RFX3: variants seen among roughly 807,000 people sequenced by gnomAD.
RFX3 encodes the protein transcription factor RFX3.
A neutral mutation model predicts 98.6 loss-of-function variants in RFX3; 14 were observed. The observed-to-expected ratio is 0.14, with a 90% CI of 0.09 to 0.22. The LOEUF is 0.22. Ranked by LOEUF, RFX3 falls within the 10% of genes least tolerant of loss-of-function variation. The pLI is 1.00. For synonymous variants in RFX3, 383 were observed against 328.4 expected (o/e 1.17, Z -1.80); for missense variants, 639 against 926.9 (o/e 0.69, Z 4.03).
chr9:3,358,260 A>G (rs1180435002), intron 2 of RFX3, among the ~76,000 whole-genome samples: 2 of 152,176 alleles, frequency 1.3e-5, no homozygotes, highest in South Asian at 2.1e-4. Flanking sequence ...CATCTTGAAT[A>G]ACTGGTAAAA....
chr9:3,505,290 ATATT>A (rs1191650434), intron 1 of RFX3, among the ~76,000 whole-genome samples: 3 of 88,290 alleles, frequency 3.4e-5, no homozygotes, highest in East Asian at 5.7e-4. Context: ...ATACATTTTT[ATATT>A]TATATATATA....
At chr9:3,417,825 A>C (rs112038913) in intron 1 of RFX3, among the ~76,000 whole-genome samples, 130 of 152,308 alleles carry the variant, frequency 8.5e-4, no homozygotes, top group African/African-American at 3.0e-3. Flanking sequence ...AAACTCACAA[A>C]ATTCACATAA....
intron 7 of RFX3, among the ~76,000 whole-genome samples, chr9:3,278,658 C>G (rs901567175): frequency 6.6e-6 from 1 of 151,826 alleles, no homozygotes; most frequent in East Asian, 1.9e-4. Flanking sequence ...ATCATACAAA[C>G]TAATGCTCAG....
At chr9:3,460,941 T>C (rs186845690) in intron 1 of RFX3, among the ~76,000 whole-genome samples, 30 of 151,996 alleles carry the variant, frequency 2.0e-4, no homozygotes, top group African/African-American at 7.0e-4. Context: ...AGTCTTACTC[T>C]AATGTATTTA....
chr9:3,276,305 T>C (rs977671237), intron 8 of RFX3, among the ~76,000 whole-genome samples: 1 of 152,106 alleles, frequency 6.6e-6, no homozygotes, highest in Non-Finnish European at 1.5e-5. Flanking sequence ...AGGCTTCCCT[T>C]GTGAGGGAGG....
intron 4 of RFX3, among the ~76,000 whole-genome samples, chr9:3,326,640 C>G (rs1009981208): frequency 2.0e-5 from 3 of 152,096 alleles, no homozygotes; most frequent in African/African-American, 7.2e-5. Flanking sequence ...CCAGCACCAT[C>G]CATGTTCCTG....
At position 3,248,308 on chromosome 9, in the gene RFX3, T is replaced by G. The variant is rs571651473; in HGVS notation, c.1815-123A>C. 34 of 1,226,824 alleles carry G rather than the reference T, an allele frequency of 2.8e-5. No homozygotes were observed. The African/African-American group carries it at 3.7e-4, about 13-fold the overall frequency. 76.0% of individuals were successfully genotyped at this position (1,226,824 alleles called of 1,614,324 possible). On this transcript the variant is annotated intron_variant, in intron 14 of 16. Transcript: ENST00000617270. ...TATATGGTTGGTATAGTATAAAACCTGCCATGAAAGCATTTCATTATTGAA... is the reference window on the plus strand; with the variant it reads ...TATATGGTTGGTATAGTATAAAACCGGCCATGAAAGCATTTCATTATTGAA...
At position 3,224,795 on chromosome 9, in the gene RFX3, GT is replaced by G. The variant is rs1394335804; in HGVS notation, c.*246del. On this transcript the variant is annotated 3_prime_UTR_variant, in exon 17 of 17. Transcript: ENST00000617270. ...AAACAAAACATTGACATTAAGTGTTGTAAAAATCCTTCTTGACACCTGAAAC... is the reference window on the plus strand; with the variant it reads ...AAACAAAACATTGACATTAAGTGTTGAAAAATCCTTCTTGACACCTGAAAC... 5.2e-6 allele frequency: 2 copies of G among 383,218 alleles called. No homozygotes were observed. 23.7% of individuals were successfully genotyped at this position (383,218 alleles called of 1,614,324 possible).
Position 3,472,573 on chromosome 9 carries a change from A to G in RFX3, c.-9+53174T>C, listed in dbSNP as rs1335341758. 4.6e-5 allele frequency among the ~76,000 whole-genome samples: 7 copies of G among 152,290 alleles called. No individual in the cohort carries two copies. In the East Asian group the frequency reaches 1.3e-3, roughly 29 times the overall value. Reference sequence around the variant, plus strand: ...CTCCAGACAGCAAAGTATAATTCCAATACAGAATCACAATTTATACTATAC... The same window carrying G: ...CTCCAGACAGCAAAGTATAATTCCAGTACAGAATCACAATTTATACTATAC... On this transcript the variant is annotated intron_variant, in intron 1 of 16. Coordinates refer to ENST00000617270, the MANE Select transcript of RFX3 (RefSeq NM_001282116.2).
At chr9:3,480,078 C>G (rs1028518179) in intron 1 of RFX3, among the ~76,000 whole-genome samples, 29 of 152,262 alleles carry the variant, frequency 1.9e-4, no homozygotes, top group African/African-American at 6.5e-4. Flanking sequence ...TTTTGCTTTT[C>G]TTTTGTTGTG....
intron 1 of RFX3, among the ~76,000 whole-genome samples, chr9:3,447,231 GA>G (rs200614856): frequency 4.7e-5 from 7 of 150,518 alleles, no homozygotes; most frequent in African/African-American, 1.5e-4. Flanking sequence ...AAACACACAA[GA>G]AAAAAAAACT....
chr9:3,298,662 C>T (rs1037299840), intron 5 of RFX3, among the ~76,000 whole-genome samples: 21 of 151,738 alleles, frequency 1.4e-4, no homozygotes, highest in Non-Finnish European at 2.7e-4. Flanking sequence ...TGTTAATTCT[C>T]TTAAGAATAT....
At chr9:3,465,570 C>T (rs775080207) in intron 1 of RFX3, among the ~76,000 whole-genome samples, 5 of 151,036 alleles carry the variant, frequency 3.3e-5, no homozygotes, top group African/African-American at 1.2e-4. Flanking sequence ...TCCCAAAGTA[C>T]TGAGATTACA....
intron 15 of RFX3, among the ~76,000 whole-genome samples, chr9:3,235,622 A>G (rs961989278): frequency 1.3e-5 from 2 of 151,954 alleles, no homozygotes; most frequent in Non-Finnish European, 2.9e-5. Context: ...AATTTTTTTT[A>G]CCTCTTTTTC....
chr9:3,311,593 T>C (rs751009169), intron 4 of RFX3, among the ~76,000 whole-genome samples: 10 of 152,190 alleles, frequency 6.6e-5, no homozygotes, highest in Non-Finnish European at 1.2e-4. Context: ...CTGTTAGAAA[T>C]GCTAAACAAG....
chr9:3,453,291 C>T (rs1485857496), intron 1 of RFX3, among the ~76,000 whole-genome samples: 5 of 151,976 alleles, frequency 3.3e-5, no homozygotes, highest in Non-Finnish European at 7.4e-5. Flanking sequence ...AATTATTATT[C>T]GCAGTTCATT....
At chr9:3,330,657 T>A in intron 3 of RFX3, 140 bp from the exon 4 acceptor site, 1 of 724,208 alleles carries the variant, frequency 1.4e-6, no homozygotes, top group Non-Finnish European at 2.2e-6. Flanking sequence ...GTACAAAACT[T>A]CATTCCCAGA....
At chr9:3,326,897 C>T (rs754459751) in intron 4 of RFX3, among the ~76,000 whole-genome samples, 7 of 152,106 alleles carry the variant, frequency 4.6e-5, no homozygotes, top group African/African-American at 9.7e-5. Flanking sequence ...TTACTGATAG[C>T]CCCCTAAGGA....
chr9:3,379,485 C>G (rs1277909105), intron 2 of RFX3, among the ~76,000 whole-genome samples: 1 of 152,012 alleles, frequency 6.6e-6, no homozygotes, highest in Non-Finnish European at 1.5e-5. Flanking sequence ...GACTGGTTCT[C>G]TTTCTCCTCA....
Sources: gnomAD v4.1 joint callset for allele counts (sites outside exome capture counted in the v4.1 genomes callset) on GRCh38, gnomAD v4.1.1 for gene constraint, MANE v1.5 for transcripts, NCBI Gene and HGNC (gene_info 2026-07-23, HGNC 2026-07-21) for gene names.